NEIL3: variants seen among roughly 807,000 people sequenced by gnomAD.
NEIL3 encodes the protein nei like DNA glycosylase 3.
A neutral mutation model predicts 57.5 loss-of-function variants in NEIL3; 48 were observed. The observed-to-expected ratio is 0.83, with a 90% CI of 0.66 to 1.06. NEIL3 has a LOEUF of 1.06. Among genes scored for constraint, NEIL3 ranks in the 50% least tolerant of loss-of-function variants. NEIL3 has a pLI of 0.00. For synonymous variants in NEIL3, 261 were observed against 253.2 expected, an observed-to-expected ratio of 1.03 and a Z score of -0.29; for missense variants, 717 against 739.1, an observed-to-expected ratio of 0.97 and a Z score of 0.35.
chr4:177,353,028 C>T (rs3805172), intron 7 of NEIL3, among the ~76,000 whole-genome samples: 2 of 152,052 alleles, frequency 1.3e-5, no homozygotes, highest in East Asian at 3.9e-4. Context: ...ACTGAGTGAC[C>T]TTTAAATGCT....
intron 2 of NEIL3, among the ~76,000 whole-genome samples, chr4:177,324,195 T>G (rs757366391): frequency 1.3e-5 from 2 of 152,188 alleles, no homozygotes; most frequent in Non-Finnish European, 2.9e-5. Context: ...TCTGTGCACC[T>G]GCAATAGAAA....
chr4:177,350,835 A>C (rs1354681246), intron 6 of NEIL3, among the ~76,000 whole-genome samples: 1 of 152,118 alleles, frequency 6.6e-6, no homozygotes, highest in East Asian at 1.9e-4. Context: ...AAGCTACTCG[A>C]TTATTTGACT....
At chr4:177,345,549 T>C (rs912702760) in intron 6 of NEIL3, among the ~76,000 whole-genome samples, 2 of 151,996 alleles carry the variant, frequency 1.3e-5, no homozygotes, top group African/African-American at 4.8e-5. Context: ...ATACATGAGA[T>C]GTTACATATG....
the NEIL3 span, among the ~76,000 whole-genome samples, chr4:177,371,194 A>G: frequency 6.6e-6 from 1 of 152,224 alleles, no homozygotes; most frequent in Non-Finnish European, 1.5e-5. Context: ...TTCCATATTA[A>G]CATATCTATG....
chr4:177,324,341 C>T (rs1254845194), intron 2 of NEIL3, among the ~76,000 whole-genome samples: 3 of 152,048 alleles, frequency 2.0e-5, no homozygotes, highest in Admixed American at 6.6e-5. Context: ...CAAAATTGCC[C>T]GCAGAGTTTA....
chr4:177,322,365 T>A, intron 1 of NEIL3, 94 bp from the exon 2 acceptor site: 1 of 1,512,414 alleles, frequency 6.6e-7, no homozygotes, highest in Non-Finnish European at 9.1e-7. Context: ...CACCTGGGCG[T>A]GAAGTAATAT....
chr4:177,356,255 AC>A (rs1002459430), intron 8 of NEIL3, among the ~76,000 whole-genome samples: 6 of 152,236 alleles, frequency 3.9e-5, no homozygotes, highest in South Asian at 2.1e-4. Context: ...ATTTAAAAAA[AC>A]ATTAATGTAA....
chr4:177,345,679 CTTTTTTTT>C (rs55741585), intron 6 of NEIL3, among the ~76,000 whole-genome samples: 1 of 78,034 alleles, frequency 1.3e-5, no homozygotes, highest in Non-Finnish European at 2.4e-5. Context: ...CCACGCCTGG[CTTTTTTTT>C]TTTTTTTTTT....
Position 177,339,763 on chromosome 4 carries a change from G to C in NEIL3, c.628-20G>C, listed in dbSNP as rs1200862924. 1.3e-6 allele frequency: 2 copies of C among 1,559,696 alleles called. No individual in the cohort carries two copies. The highest frequency in any genetic ancestry group is 8.8e-7 in the Non-Finnish European group (1 of 1,131,412). Reference sequence around the variant, plus strand: ...TGAGCAAGTCATGAAACTAGGCTCTGCTGTTTTTTCCACTTCAAGGTTTGT... The same window carrying C: ...TGAGCAAGTCATGAAACTAGGCTCTCCTGTTTTTTCCACTTCAAGGTTTGT... On this transcript the variant is annotated intron_variant, in intron 4 of 9. Transcript: ENST00000264596.
chr4:177,362,534 T>C lies in NEIL3; in HGVS notation c.*63T>C. The C allele has an allele frequency of 1.6e-6, 2 of 1,273,386 alleles. No individual in the cohort carries two copies. Among genetic ancestry groups the C allele is most frequent in the African/African-American group, 1.5e-5 (1 of 66,306 alleles). 78.9% of individuals were successfully genotyped at this position (1,273,386 alleles called of 1,614,324 possible). A position where few individuals can be genotyped will look rare whatever the true frequency, so the allele number is the denominator to read the frequency against. On this transcript the variant is annotated 3_prime_UTR_variant, in exon 10 of 10. Transcript: ENST00000264596. ...GTGTATAATGTTTGGTCCTCCTCTG[T>C]TTCATAGAAAAGTCATAGAATATCT...
intron 8 of NEIL3, chr4:177,354,004 T>C (rs1735421660): frequency 3.2e-6 from 1 of 312,540 alleles, no homozygotes; most frequent in African/African-American, 2.2e-5. Flanking sequence ...GATCTCAAGT[T>C]ATCTGCCCAC....
At chr4:177,360,432 TG>T in intron 8 of NEIL3, 70 bp from the exon 9 acceptor site, 4 of 1,075,416 alleles carry the variant, frequency 3.7e-6, no homozygotes, top group South Asian at 4.8e-5. Context: ...TTCTGACATG[TG>T]GGGGTAAAGT....
At chr4:177,340,622 C>T (rs1735072797) in intron 5 of NEIL3, among the ~76,000 whole-genome samples, 2 of 152,104 alleles carry the variant, frequency 1.3e-5, no homozygotes, top group African/African-American at 2.4e-5. Flanking sequence ...ATTGCATTTG[C>T]TTACTTCTTC....
chr4:177,348,329 C>A lies in NEIL3; in HGVS notation c.870-3051C>A, dbSNP rs73865002. 6.1e-3 allele frequency among the ~76,000 whole-genome samples: 924 copies of A among 152,276 alleles called. 6 individuals are homozygous for A. Among genetic ancestry groups the A allele is most frequent in the African/African-American group, 0.021 (889 of 41,562 alleles). ...TCCTCAGGTGCCTCAGGTTCCCCCCCTCTACCAGGTTGTTTCTGAGTTAGG... is the reference window on the plus strand; with the variant it reads ...TCCTCAGGTGCCTCAGGTTCCCCCCATCTACCAGGTTGTTTCTGAGTTAGG... On this transcript the variant is annotated intron_variant, in intron 6 of 9. Coordinates refer to ENST00000264596, the MANE Select transcript of NEIL3 (RefSeq NM_018248.3).
At chr4:177,370,655 T>A in the NEIL3 span, among the ~76,000 whole-genome samples, 1 of 152,174 alleles carries the variant, frequency 6.6e-6, no homozygotes, top group African/African-American at 2.4e-5. Context: ...AATCCCAGCA[T>A]GCTGGGAGGC....
intron 4 of NEIL3, among the ~76,000 whole-genome samples, chr4:177,337,461 TTAGA>T (rs1734999487): frequency 6.6e-6 from 1 of 152,198 alleles, no homozygotes; most frequent in African/African-American, 2.4e-5. Context: ...TAGGTCTAGA[TTAGA>T]TTCTGCTTTT....
At chr4:177,353,768 T>A in intron 8 of NEIL3, 40 bp downstream of exon 8, 4 of 1,160,942 alleles carry the variant, frequency 3.4e-6, no homozygotes, top group Non-Finnish European at 4.7e-6. Flanking sequence ...ATAATTGCTT[T>A]TTTTTTTTTT....
At chr4:177,328,703 T>C (rs1404753078) in intron 2 of NEIL3, among the ~76,000 whole-genome samples, 1 of 152,128 alleles carries the variant, frequency 6.6e-6, no homozygotes, top group Non-Finnish European at 1.5e-5. Context: ...ATAAGGGATA[T>C]AATAACAGAC....
At chr4:177,352,119 A>G (rs1735365407) in intron 7 of NEIL3, among the ~76,000 whole-genome samples, 1 of 152,220 alleles carries the variant, frequency 6.6e-6, no homozygotes, top group Non-Finnish European at 1.5e-5. Flanking sequence ...TGTGATTAAG[A>G]GCCATCTCAT....
Sources: allele counts gnomAD v4.1 joint callset (sites outside exome capture counted in the v4.1 genomes callset), GRCh38; gene constraint gnomAD v4.1.1; transcripts MANE v1.5; gene names NCBI Gene and HGNC (gene_info 2026-07-23, HGNC 2026-07-21).